Variants in DGLUCY observed in about 807,000 individuals in gnomAD.
The protein encoded by DGLUCY is D-glutamate cyclase.
A neutral mutation model predicts 58.5 loss-of-function variants in DGLUCY; 58 were observed. That is an observed-to-expected ratio of 0.99 (90% CI 0.80 to 1.23). The LOEUF (loss-of-function observed/expected upper bound fraction) is 1.23. Among genes scored for constraint, DGLUCY ranks in the 50% most tolerant of loss-of-function variants. The probability of loss-of-function intolerance (pLI) is 0.00; values close to 1 mark genes in which losing one functional copy is unlikely to be tolerated. For synonymous variants in DGLUCY, 325 were observed against 314.1 expected, an observed-to-expected ratio of 1.03 and a Z score of -0.37; for missense variants, 779 against 784.7, an observed-to-expected ratio of 0.99 and a Z score of 0.09.
chr14:91,215,662 C>T (rs1318789769), intron 13 of DGLUCY, 106 bp downstream of exon 13: 4 of 1,595,952 alleles, frequency 2.5e-6, no homozygotes, highest in Non-Finnish European at 3.4e-6. Context: ...CCTGCTGCCC[C>T]TCAAAAGCCA....
chr14:91,100,026 G>GC (rs1393145833), intron 1 of DGLUCY, among the ~76,000 whole-genome samples: 1 of 140,580 alleles, frequency 7.1e-6, no homozygotes, highest in Non-Finnish European at 1.5e-5. Context: ...TTACACTCCA[G>GC]CCTGGGCAAC....
chr14:91,107,549 T>C (rs2044613599), upstream of DGLUCY, among the ~76,000 whole-genome samples: 1 of 152,072 alleles, frequency 6.6e-6, no homozygotes, highest in South Asian at 2.1e-4. Flanking sequence ...AACCCTTCAT[T>C]TATCTGCTTG....
intron 13 of DGLUCY, among the ~76,000 whole-genome samples, chr14:91,220,200 C>T (rs1289798435): frequency 6.6e-6 from 1 of 152,218 alleles, no homozygotes; most frequent in Non-Finnish European, 1.5e-5. Context: ...CTGGTTCAAG[C>T]CCTGGCTCCG....
At chr14:91,215,373 C>A in intron 12 of DGLUCY, 32 bp from the exon 13 acceptor site, 1 of 1,576,610 alleles carries the variant, frequency 6.3e-7, no homozygotes. Context: ...ACTTTTCCAA[C>A]TCCATGATGG....
intron 1 of DGLUCY, among the ~76,000 whole-genome samples, chr14:91,078,159 GCT>G (rs1212064283): frequency 6.6e-6 from 1 of 152,168 alleles, no homozygotes; most frequent in East Asian, 1.9e-4. Context: ...CTCCCGAGTA[GCT>G]GGAATTACAG....
intron 1 of DGLUCY, among the ~76,000 whole-genome samples, chr14:91,142,775 G>A (rs555615253): frequency 6.7e-6 from 1 of 148,416 alleles, no homozygotes; most frequent in East Asian, 2.0e-4. Context: ...ACCAGTCTGG[G>A]CAACATGGTG....
At chr14:91,122,343 G>C (rs1429302851) in intron 1 of DGLUCY, among the ~76,000 whole-genome samples, 3 of 151,800 alleles carry the variant, frequency 2.0e-5, no homozygotes, top group Non-Finnish European at 4.4e-5. Context: ...TGTAGAGATG[G>C]GGTTCCACTG....
At chr14:91,102,786 T>TGTGTGTGTGTGTGTGTGTGTG (rs59480792) in intron 1 of DGLUCY, among the ~76,000 whole-genome samples, 11 of 149,912 alleles carry the variant, frequency 7.3e-5, no homozygotes, top group African/African-American at 2.0e-4. Flanking sequence ...TGTGTGTGTG[T>TGTGTGTGTGTGTGTGTGTGTG]TTGAGACTGA....
intron 1 of DGLUCY, among the ~76,000 whole-genome samples, chr14:91,069,795 G>C: frequency 7.7e-6 from 1 of 129,372 alleles, no homozygotes; most frequent in Non-Finnish European, 1.6e-5. Context: ...ATAATGATAT[G>C]CCTCTTTTTT....
intron 1 of DGLUCY, among the ~76,000 whole-genome samples, chr14:91,062,229 T>C (rs1291082707): frequency 1.3e-5 from 2 of 152,106 alleles, no homozygotes; most frequent in South Asian, 4.1e-4. Flanking sequence ...TATTCTTCTT[T>C]TAATTATTTT....
Position 91,196,390 on chromosome 14 carries a change from A to G in DGLUCY, c.1211A>G (p.Gln404Arg), listed in dbSNP as rs778469823. 1 of 1,614,126 alleles carries G rather than the reference A, an allele frequency of 6.2e-7. No homozygotes were observed. Among genetic ancestry groups the G allele is most frequent in the African/African-American group, 1.3e-5 (1 of 75,038 alleles). Residue 404 changes from glutamine to arginine, a missense_variant, in exon 10 of 14, where the codon CAG becomes CGG. Transcript: ENST00000256324. The part of the protein sequence containing the change: ...DAVEQGVLKT[Q>R]IPILTYQGGS... ...TATTTTCAAGGTGTTCTGAAGACGCAGATCCCGATATTAACTTACCAAGGT... is the reference window on the plus strand; with the variant it reads ...TATTTTCAAGGTGTTCTGAAGACGCGGATCCCGATATTAACTTACCAAGGT...
chr14:91,201,577 GTA>G (rs2050564592), intron 11 of DGLUCY, among the ~76,000 whole-genome samples: 1 of 152,080 alleles, frequency 6.6e-6, no homozygotes, highest in Non-Finnish European at 1.5e-5. Flanking sequence ...GATTACAGGT[GTA>G]AGCCACCATG....
chr14:91,186,035 T>C (rs946291526), intron 8 of DGLUCY, among the ~76,000 whole-genome samples: 2 of 152,156 alleles, frequency 1.3e-5, no homozygotes, highest in Admixed American at 6.6e-5. Flanking sequence ...TTTGAGAGGA[T>C]GTTGGCTTGC....
rs2047743430 is a variant in DGLUCY at position 91,157,639 on chromosome 14, G to A, written c.-81G>A. ...AGGCATTTTTTTTTTGACTTTGCAG[G>A]AGCCAAGTTACACCCTGTTTAACCC... is the stretch of plus-strand genomic sequence containing the variant. On this transcript the variant is annotated splice_region_variant and 5_prime_UTR_variant, in exon 2 of 14. Coordinates refer to ENST00000256324, the MANE Select transcript of DGLUCY (RefSeq NM_001102368.3). The A allele has an allele frequency of 6.6e-6, 1 of 151,982 alleles. No homozygotes were observed. Among genetic ancestry groups the A allele is most frequent in the African/African-American group, 2.4e-5 (1 of 41,376 alleles). The allele number at this position is 151,982 out of a possible 1,614,324, so 9.4% of individuals were successfully genotyped here. A position where few individuals can be genotyped will look rare whatever the true frequency, so the allele number is the denominator to read the frequency against.
intron 1 of DGLUCY, among the ~76,000 whole-genome samples, chr14:91,081,867 A>C (rs968886968): frequency 6.6e-5 from 10 of 151,952 alleles, no homozygotes; most frequent in African/African-American, 2.2e-4. Flanking sequence ...TGGCCTCCCG[A>C]GTAGCTGGGA....
At chr14:91,120,399 A>AATT (rs1171285028) in intron 1 of DGLUCY, among the ~76,000 whole-genome samples, 2 of 151,980 alleles carry the variant, frequency 1.3e-5, no homozygotes, top group Non-Finnish European at 2.9e-5. Context: ...GAAATCTGAT[A>AATT]ATTATTATTA....
At chr14:91,182,357 G>T (rs1018407025) in intron 8 of DGLUCY, among the ~76,000 whole-genome samples, 1 of 152,174 alleles carries the variant, frequency 6.6e-6, no homozygotes, top group Non-Finnish European at 1.5e-5. Flanking sequence ...TGCTGGGCAT[G>T]TTGCCAGCCA....
chr14:91,152,505 G>A (rs748160344), intron 1 of DGLUCY, among the ~76,000 whole-genome samples: 1 of 152,128 alleles, frequency 6.6e-6, no homozygotes, highest in Non-Finnish European at 1.5e-5. Flanking sequence ...ATGACTACCA[G>A]CATTTCCCCA....
At chr14:91,223,861 AT>A (rs1342336624) in intron 13 of DGLUCY, 7 of 407,790 alleles carry the variant, frequency 1.7e-5, no homozygotes, top group Non-Finnish European at 2.6e-5. Context: ...CACCCTCCCC[AT>A]TTTACAGATA....
Sources: allele counts gnomAD v4.1 joint callset (sites outside exome capture counted in the v4.1 genomes callset), GRCh38; gene constraint gnomAD v4.1.1; transcripts MANE v1.5; gene names NCBI Gene and HGNC (gene_info 2026-07-23, HGNC 2026-07-21).